TENM1: variants seen among roughly 807,000 people sequenced by gnomAD.
TENM1 encodes teneurin-1.
TENM1 carries 35 observed loss-of-function variants against 174.8 expected under a neutral mutation model. The ratio of observed to expected loss-of-function variants is 0.20; its 90% CI spans 0.15 to 0.27. The LOEUF (loss-of-function observed/expected upper bound fraction) is 0.27. Among genes scored for constraint, TENM1 ranks in the 10% least tolerant of loss-of-function variants. The pLI, the probability that TENM1 is intolerant of heterozygous loss-of-function variation, is 1.00. For synonymous variants in TENM1, 781 were observed against 798.7 expected, an observed-to-expected ratio of 0.98 and a Z score of 0.37; for missense variants, 1,633 against 2,130.1, an observed-to-expected ratio of 0.77 and a Z score of 4.59.
chrX:124,723,466 G>GT (rs1458544559), intron 4 of TENM1, among the ~76,000 whole-genome samples: 1 of 111,037 alleles, frequency 9.0e-6, no homozygotes, highest in Non-Finnish European at 1.9e-5. Context: ...TTGGTTTTTG[G>GT]CTTTCTTTTA....
the TENM1 span, among the ~76,000 whole-genome samples, chrX:125,097,821 A>C: frequency 1.8e-5 from 2 of 112,437 alleles, no homozygotes; most frequent in Non-Finnish European, 3.7e-5. Flanking sequence ...CTAATTCAGC[A>C]AATATTGTTG....
chrX:124,824,483 G>A (rs916276092), intron 3 of TENM1, among the ~76,000 whole-genome samples: 9 of 111,982 alleles, frequency 8.0e-5, no homozygotes, highest in Non-Finnish European at 1.7e-4. Flanking sequence ...AACAGCTTAA[G>A]TAAAAGAAGG....
intron 2 of TENM1, among the ~76,000 whole-genome samples, chrX:124,894,668 C>G (rs1455272521): frequency 9.0e-6 from 1 of 111,135 alleles, no homozygotes; most frequent in East Asian, 2.8e-4. Context: ...TTTAATGTTT[C>G]AACCCAGTGA....
chrX:124,737,197 T>C (rs2063474445), exon 4 of TENM1: 1 of 1,195,896 alleles, frequency 8.4e-7, no homozygotes. Flanking sequence ...GCTCTGCACA[T>C]CTAAAGAGGA....
intron 3 of TENM1, among the ~76,000 whole-genome samples, chrX:124,828,967 C>G (rs1394694846): frequency 1.8e-5 from 2 of 111,927 alleles, no homozygotes; most frequent in Non-Finnish European, 3.8e-5. Flanking sequence ...AGTGGTAGAA[C>G]TCATTTTTTC....
intron 4 of TENM1, among the ~76,000 whole-genome samples, chrX:124,710,289 A>G (rs1232723052): frequency 9.0e-6 from 1 of 111,712 alleles, no homozygotes; most frequent in Non-Finnish European, 1.9e-5. Context: ...GATTCGATGC[A>G]GCAACACTCT....
chrX:124,853,863 AAAG>A lies in TENM1; in HGVS notation c.535+40430_535+40432del, dbSNP rs368099468. Among the ~76,000 whole-genome samples the A allele has an allele frequency of 2.5e-3, 280 of 111,449 alleles. 1 individual carries two copies. The highest frequency in any genetic ancestry group is 8.7e-3 in the African/African-American group (269 of 30,752). On this transcript the variant is annotated intron_variant, in intron 3 of 31. Coordinates refer to ENST00000422452, the Ensembl canonical transcript of TENM1. ...AAAGAAAGAAGAAGAAGGAAAAATGAAAGAAAACATCAAGGAAAGCTGATTAAT... is the reference window on the plus strand; with the variant it reads ...AAAGAAAGAAGAAGAAGGAAAAATGAAAAACATCAAGGAAAGCTGATTAAT...
the TENM1 span, among the ~76,000 whole-genome samples, chrX:125,164,115 G>C: frequency 1.8e-5 from 2 of 111,667 alleles, no homozygotes; most frequent in Non-Finnish European, 3.8e-5. Flanking sequence ...CAAACTGGTT[G>C]TTTTCACAAC....
At chrX:124,807,420 C>T (rs1308269292) in intron 3 of TENM1, among the ~76,000 whole-genome samples, 1 of 111,826 alleles carries the variant, frequency 8.9e-6, no homozygotes, top group Non-Finnish European at 1.9e-5. Context: ...TCATAACCAC[C>T]AGATCTTGTT....
At chrX:124,939,235 T>C (rs2058290308) in intron 1 of TENM1, among the ~76,000 whole-genome samples, 4 of 112,150 alleles carry the variant, frequency 3.6e-5, no homozygotes, top group African/African-American at 9.7e-5. Flanking sequence ...CCATAAAACC[T>C]ACTTTTCAAC....
At chrX:124,760,760 C>A (rs2054389921) in intron 3 of TENM1, among the ~76,000 whole-genome samples, 1 of 109,521 alleles carries the variant, frequency 9.1e-6, no homozygotes, top group Non-Finnish European at 1.9e-5. Context: ...GAACAGGCAA[C>A]CTACAGAATA....
the TENM1 span, among the ~76,000 whole-genome samples, chrX:125,168,666 T>C: frequency 9.0e-6 from 1 of 110,629 alleles, no homozygotes; most frequent in Non-Finnish European, 1.9e-5. Context: ...AAATTAGAGA[T>C]TTGAAGCAGC....
chrX:125,013,786 T>A, the TENM1 span, among the ~76,000 whole-genome samples: 21 of 112,007 alleles, frequency 1.9e-4, no homozygotes, highest in Non-Finnish European at 3.4e-4. Context: ...AAACTACAGT[T>A]AATTGGCAGG....
chrX:124,603,811 T>C (rs911655821), intron 11 of TENM1, among the ~76,000 whole-genome samples: 3 of 112,000 alleles, frequency 2.7e-5, no homozygotes, highest in African/African-American at 9.7e-5. Context: ...TCCTGTTACT[T>C]ACTTCAAGTA....
intron 3 of TENM1, among the ~76,000 whole-genome samples, chrX:124,760,349 C>G (rs1454020683): frequency 9.0e-6 from 1 of 111,725 alleles, no homozygotes; most frequent in Non-Finnish European, 1.9e-5. Context: ...GGTGACGGCT[C>G]TATTCCTAGC....
intron 1 of TENM1, among the ~76,000 whole-genome samples, chrX:124,962,625 C>T (rs192906415): frequency 8.6e-4 from 96 of 111,402 alleles, no homozygotes; most frequent in African/African-American, 3.1e-3. Context: ...TGAGACCAGC[C>T]TGACCAACAT....
the TENM1 span, among the ~76,000 whole-genome samples, chrX:125,136,400 A>G: frequency 8.9e-6 from 1 of 111,953 alleles, no homozygotes; most frequent in East Asian, 2.8e-4. Flanking sequence ...TTTCACTTGC[A>G]TCATCTCCTT....
At chrX:124,476,705 C>T (rs1177519717) in intron 22 of TENM1, among the ~76,000 whole-genome samples, 1 of 112,037 alleles carries the variant, frequency 8.9e-6, no homozygotes, top group Admixed American at 9.4e-5. Context: ...ATTTTATATC[C>T]CCACCTAGTA....
At chrX:124,549,880 T>A (rs1334954764) in intron 14 of TENM1, among the ~76,000 whole-genome samples, 1 of 107,954 alleles carries the variant, frequency 9.3e-6, no homozygotes, top group African/African-American at 3.4e-5. Context: ...TCACACTGAA[T>A]ATGTGCCTTG....
Sources: allele counts gnomAD v4.1 joint callset (sites outside exome capture counted in the v4.1 genomes callset), GRCh38; gene constraint gnomAD v4.1.1; transcripts MANE v1.5; gene names NCBI Gene and HGNC (gene_info 2026-07-23, HGNC 2026-07-21).